Variants in C7orf78 observed in about 807,000 individuals in gnomAD.
C7orf78 encodes the protein putative uncharacterized protein C7orf78.
the C7orf78 span, among the ~76,000 whole-genome samples, chr7:12,497,396 G>C: frequency 6.6e-6 from 1 of 152,342 alleles, no homozygotes; most frequent in Non-Finnish European, 1.5e-5. Context: ...AGCAGGGCGA[G>C]GCATTGCCTC....
chr7:12,498,973 C>G, the C7orf78 span, among the ~76,000 whole-genome samples: 1 of 151,916 alleles, frequency 6.6e-6, no homozygotes, highest in Non-Finnish European at 1.5e-5. Context: ...AATTTCATTT[C>G]CAGCCAAACT....
chr7:12,526,016 T>C, the C7orf78 span: 1 of 387,350 alleles, frequency 2.6e-6, no homozygotes, highest in African/African-American at 2.1e-5. Context: ...TCACCTTTAA[T>C]AATACGGTAA....
chr7:12,529,887 G>A, the C7orf78 span, among the ~76,000 whole-genome samples: 2 of 152,216 alleles, frequency 1.3e-5, no homozygotes, highest in South Asian at 2.1e-4. Context: ...AGTGTGCTCC[G>A]CGCACAGCTC....
the C7orf78 span, among the ~76,000 whole-genome samples, chr7:12,492,877 G>T: frequency 1.3e-5 from 2 of 152,150 alleles, no homozygotes; most frequent in African/African-American, 4.8e-5. Context: ...GTGTTTTGCA[G>T]TATCTGACAT....
At chr7:12,516,066 A>T in the C7orf78 span, among the ~76,000 whole-genome samples, 2 of 152,226 alleles carry the variant, frequency 1.3e-5, no homozygotes, top group Admixed American at 6.5e-5. Context: ...GAATGGGGAA[A>T]ATGTCTCTAG....
chr7:12,505,226 G>A, the C7orf78 span, among the ~76,000 whole-genome samples: 1 of 151,906 alleles, frequency 6.6e-6, no homozygotes, highest in African/African-American at 2.4e-5. Context: ...TCACAATTTG[G>A]CAAACATAAT....
the C7orf78 span, among the ~76,000 whole-genome samples, chr7:12,527,828 T>A: frequency 4.8e-3 from 692 of 145,258 alleles, no homozygotes; most frequent in African/African-American, 0.011. Flanking sequence ...GTATATGCTA[T>A]GTGTCACTCA....
chr7:12,502,202 C>G, the C7orf78 span, among the ~76,000 whole-genome samples: 14,195 of 98,216 alleles, frequency 0.14, 1,116 homozygotes, highest in Middle Eastern at 0.23. Context: ...ACACCAAAAG[C>G]AATGGCAACC....
the C7orf78 span, among the ~76,000 whole-genome samples, chr7:12,520,414 C>G: frequency 6.6e-6 from 1 of 152,122 alleles, no homozygotes; most frequent in African/African-American, 2.4e-5. Context: ...TGCTGTATCC[C>G]ATAGGTTTTG....
the C7orf78 span, among the ~76,000 whole-genome samples, chr7:12,512,617 C>T: frequency 6.6e-6 from 1 of 152,146 alleles, no homozygotes; most frequent in Non-Finnish European, 1.5e-5. Flanking sequence ...TTTTGCACCT[C>T]TGTTCATCAG....
chr7:12,519,073 C>G, the C7orf78 span, among the ~76,000 whole-genome samples: 1 of 152,062 alleles, frequency 6.6e-6, no homozygotes, highest in African/African-American at 2.4e-5. Flanking sequence ...GGCTTCAGCA[C>G]TGTGCAGAAG....
At chr7:12,523,140 G>A in the C7orf78 span, 2 of 398,360 alleles carry the variant, frequency 5.0e-6, no homozygotes, top group Non-Finnish European at 8.9e-6. Flanking sequence ...GTTAATGTAT[G>A]GGAAATAAAG....
the C7orf78 span, among the ~76,000 whole-genome samples, chr7:12,531,596 T>C: frequency 6.6e-6 from 1 of 152,196 alleles, no homozygotes; most frequent in African/African-American, 2.4e-5. Flanking sequence ...TTATTACTAT[T>C]ATTGTTAATG....
chr7:12,538,442 G>A, the C7orf78 span: 1 of 151,972 alleles, frequency 6.6e-6, no homozygotes, highest in East Asian at 1.9e-4. Flanking sequence ...GAAGAAACAG[G>A]GGCAAAAAGC....
the C7orf78 span, among the ~76,000 whole-genome samples, chr7:12,512,725 A>T: frequency 6.6e-6 from 1 of 152,150 alleles, no homozygotes; most frequent in East Asian, 1.9e-4. Flanking sequence ...AGTTTTCTTC[A>T]ATTTTTTGGA....
the C7orf78 span, chr7:12,538,228 C>A: frequency 1.3e-5 from 2 of 151,966 alleles, no homozygotes; most frequent in African/African-American, 4.8e-5. Flanking sequence ...GAAAGAAAGC[C>A]TCATTCATTC....
At chr7:12,499,060 G>T in the C7orf78 span, among the ~76,000 whole-genome samples, 1 of 152,014 alleles carries the variant, frequency 6.6e-6, no homozygotes, top group East Asian at 1.9e-4. Context: ...CACCAGGCCT[G>T]CCCTAAAAGA....
At chr7:12,531,464 T>C in the C7orf78 span, among the ~76,000 whole-genome samples, 1 of 152,178 alleles carries the variant, frequency 6.6e-6, no homozygotes, top group Non-Finnish European at 1.5e-5. Context: ...AATCCACCTG[T>C]AATTTGTGAT....
the C7orf78 span, among the ~76,000 whole-genome samples, chr7:12,492,351 A>G: frequency 3.9e-5 from 6 of 152,228 alleles, no homozygotes; most frequent in Non-Finnish European, 8.8e-5. Context: ...TAAACAAGAA[A>G]AAGTATCTTG....
Sources: allele counts gnomAD v4.1 joint callset (sites outside exome capture counted in the v4.1 genomes callset), GRCh38; gene constraint gnomAD v4.1.1; transcripts MANE v1.5; gene names NCBI Gene and HGNC (gene_info 2026-07-23, HGNC 2026-07-21).